Variants in SLC25A53 observed in about 807,000 individuals in gnomAD.
The protein encoded by SLC25A53 is solute carrier family 25 member 53.
SLC25A53 carries 5 observed loss-of-function variants against 15.0 expected under a neutral mutation model. The ratio of observed to expected loss-of-function variants is 0.33; its 90% CI spans 0.17 to 0.70. SLC25A53 has a LOEUF of 0.70. Ranked by LOEUF, SLC25A53 falls within the 30% of genes least tolerant of loss-of-function variation. The pLI, the probability that SLC25A53 is intolerant of heterozygous loss-of-function variation, is 0.67. For missense variants in SLC25A53, 216 were observed against 241.6 expected, an observed-to-expected ratio of 0.89 and a Z score of 0.70; for synonymous variants, 95 against 100.0, an observed-to-expected ratio of 0.95 and a Z score of 0.30.
Position 104,115,039 on chromosome X carries a change from A to G in SLC25A53, c.-31-9751T>C, listed in dbSNP as rs1254197334. 4.2e-6 allele frequency: 5 copies of G among 1,195,590 alleles called. No individual in the cohort carries two copies. In the Admixed American group the frequency reaches 6.9e-5, roughly 16 times the overall value. ...CAGACCTCTGGATCAAGTGCTGGTT[A>G]TTGATTCCCCCAACAATTCTGGGGC... On this transcript the variant is annotated intron_variant, in intron 1 of 1. Transcript: ENST00000594199.
At chrX:104,109,294 T>C (rs1434694408) in intron 1 of SLC25A53, among the ~76,000 whole-genome samples, 1 of 111,762 alleles carries the variant, frequency 8.9e-6, no homozygotes, top group Admixed American at 9.5e-5. Context: ...GGCACAGAGA[T>C]GGGCTCTGGA....
rs2075293729 is a variant in SLC25A53, at chrX:104,104,137, C to T, written c.*197G>A. 4 of 418,618 alleles carry T rather than the reference C, an allele frequency of 9.6e-6. No homozygotes were observed. Among genetic ancestry groups the T allele is most frequent in the African/African-American group, 7.5e-5 (3 of 40,149 alleles). 34.5% of individuals were successfully genotyped at this position (418,618 alleles called of 1,213,427 possible). A position where few individuals can be genotyped will look rare whatever the true frequency, so the allele number is the denominator to read the frequency against. ...GAAACTGTGGAGAGACTGGGGTGAA[C>T]GTTTCTTTTTGACTAAGGAATACTT... On this transcript the variant is annotated 3_prime_UTR_variant, in exon 2 of 2. Coordinates refer to ENST00000594199, the MANE Select transcript of SLC25A53 (RefSeq NM_001012755.5).
At chrX:104,147,966 A>C (rs1556369457) in intron 1 of SLC25A53, among the ~76,000 whole-genome samples, 1 of 112,049 alleles carries the variant, frequency 8.9e-6, no homozygotes, top group Non-Finnish European at 1.9e-5. Context: ...CACCCAAAGG[A>C]CTATAAATCA....
At chrX:104,141,594 G>A (rs782688355) in intron 1 of SLC25A53, among the ~76,000 whole-genome samples, 12 of 111,179 alleles carry the variant, frequency 1.1e-4, no homozygotes, top group Non-Finnish European at 1.3e-4. Context: ...ACAGTACAAG[G>A]ACTTCTACTA....
At chrX:104,153,253 T>C (rs1556370754) in intron 1 of SLC25A53, among the ~76,000 whole-genome samples, 1 of 52,326 alleles carries the variant, frequency 1.9e-5, no homozygotes, top group African/African-American at 7.9e-5. Flanking sequence ...TGTGTATATA[T>C]ATATATATAT....
At chrX:104,121,738 T>C (rs782088706) in intron 1 of SLC25A53, among the ~76,000 whole-genome samples, 12 of 107,142 alleles carry the variant, frequency 1.1e-4, no homozygotes, top group South Asian at 4.1e-4. Flanking sequence ...CATGAAATTA[T>C]AGAAAATGAA....
In SLC25A53 at chrX:104,118,504, C is replaced by G. The variant is rs1302072643; in HGVS notation, c.-31-13216G>C. Among the ~76,000 whole-genome samples the G allele has an allele frequency of 2.7e-5, 3 of 113,128 alleles. No homozygotes were observed. In the East Asian group the frequency reaches 8.3e-4, roughly 31 times the overall value. The stretch of plus-strand genomic sequence containing the variant: ...TATTCCAAGCTTATTACATGCCAGG[C>G]ACCCAGTGCCAAGCCTTTAAAATGC... On this transcript the variant is annotated intron_variant, in intron 1 of 1. Coordinates refer to ENST00000594199, the MANE Select transcript of SLC25A53 (RefSeq NM_001012755.5).
chrX:104,102,179 T>C lies in SLC25A53; in HGVS notation c.*2155A>G, dbSNP rs2075284063. 1 of 112,224 alleles carries C rather than the reference T, an allele frequency of 8.9e-6. No individual in the cohort carries two copies. Among genetic ancestry groups the C allele is most frequent in the Non-Finnish European group, 1.9e-5 (1 of 53,283 alleles). The allele number at this position is 112,224 out of a possible 1,213,427, so 9.2% of individuals were successfully genotyped here. ...CCAACAACCATGTCTTTAATTTCTG[T>C]GGCATTCAGTGAGAAGTTCTCACTG... On this transcript the variant is annotated 3_prime_UTR_variant, in exon 2 of 2. Transcript: ENST00000594199.
chrX:104,121,449 G>A (rs782249661), intron 1 of SLC25A53, among the ~76,000 whole-genome samples: 2 of 110,854 alleles, frequency 1.8e-5, no homozygotes, highest in Non-Finnish European at 3.8e-5. Context: ...TAGAGGTGAC[G>A]TTACTGGAAC....
rs1293092183 is a variant in SLC25A53 at position 104,121,876 on chromosome X, TATA to T, written c.-31-16591_-31-16589del. On this transcript the variant is annotated intron_variant, in intron 1 of 1. Coordinates refer to ENST00000594199, the MANE Select transcript of SLC25A53 (RefSeq NM_001012755.5). Reference sequence around the variant, plus strand: ...CTAGACATCACATCAAATGGTATGATATATATATATATATATATATATATATAT... The same window carrying T: ...CTAGACATCACATCAAATGGTATGATTATATATATATATATATATATATAT... Among the ~76,000 whole-genome samples the T allele has an allele frequency of 2.8e-3, 140 of 49,758 alleles. 44 individuals are homozygous for T. The highest frequency in any genetic ancestry group is 4.0e-3 in the African/African-American group (45 of 11,306). The allele number at this position is 49,758 out of a possible 115,157, so 43.2% of individuals were successfully genotyped here.
intron 1 of SLC25A53, chrX:104,113,772 G>C (rs1556360079): frequency 1.8e-5 from 4 of 223,651 alleles, no homozygotes; most frequent in African/African-American, 1.2e-4. Context: ...CTGGAGTACA[G>C]GCAGGAGGGG....
intron 1 of SLC25A53, among the ~76,000 whole-genome samples, chrX:104,118,706 T>C (rs1226399150): frequency 1.8e-5 from 2 of 112,650 alleles, no homozygotes; most frequent in African/African-American, 3.2e-5. Context: ...GATAAGACAC[T>C]GGACTGACTG....
chrX:104,104,290 G>C lies in SLC25A53; in HGVS notation c.*44C>G, dbSNP rs781834165. On this transcript the variant is annotated 3_prime_UTR_variant, in exon 2 of 2. Transcript: ENST00000594199. ...AAGTAAGCTATATAGAACCAACCAG[G>C]GAAGATTTAGAATAACAAAGCTGCC... 29 of 1,159,767 alleles carry C rather than the reference G, an allele frequency of 2.5e-5. No individual in the cohort carries two copies. Among genetic ancestry groups the C allele is most frequent in the Non-Finnish European group, 3.3e-5 (28 of 857,571 alleles).
At chrX:104,132,450 C>G (rs1456476201) in intron 1 of SLC25A53, among the ~76,000 whole-genome samples, 1 of 112,169 alleles carries the variant, frequency 8.9e-6, no homozygotes, top group Non-Finnish European at 1.9e-5. Context: ...CAAGCCTCAT[C>G]ATCTGGATCT....
chrX:104,145,633 A>C lies in SLC25A53; in HGVS notation c.-32+11245T>G, dbSNP rs782723731. On this transcript the variant is annotated intron_variant, in intron 1 of 1. Transcript: ENST00000594199. Reference sequence around the variant, plus strand: ...AAAAAATGATAAAGGGGATATCACCACCGATCCCACAGAACTACAAACTAC... The same window carrying C: ...AAAAAATGATAAAGGGGATATCACCCCCGATCCCACAGAACTACAAACTAC... Among the ~76,000 whole-genome samples, 661 of 112,279 alleles carry C rather than the reference A, an allele frequency of 5.9e-3. 10 individuals are homozygous for C. The highest frequency in any genetic ancestry group is 0.02 in the African/African-American group (606 of 30,934).
chrX:104,150,392 G>GA (rs1212760418), intron 1 of SLC25A53, among the ~76,000 whole-genome samples: 7 of 111,292 alleles, frequency 6.3e-5, no homozygotes, highest in African/African-American at 2.0e-4. Flanking sequence ...CACTCTGGAG[G>GA]AAAAAAAGCA....
intron 1 of SLC25A53, among the ~76,000 whole-genome samples, chrX:104,156,084 A>AG (rs2075500258): frequency 1.9e-5 from 2 of 107,347 alleles, no homozygotes; most frequent in African/African-American, 6.8e-5. Flanking sequence ...GAAAGAAAGA[A>AG]AAAAAAAAAG....
intron 1 of SLC25A53, among the ~76,000 whole-genome samples, chrX:104,128,431 T>C (rs2075416985): frequency 8.9e-6 from 1 of 111,914 alleles, no homozygotes; most frequent in African/African-American, 3.2e-5. Context: ...AACAAAGAAT[T>C]TAGGAATGTT....
In SLC25A53 at chrX:104,104,756, C is replaced by T; in HGVS notation, c.502G>A (p.Gly168Arg). 8.3e-7 allele frequency: 1 copy of T among 1,211,603 alleles called. No homozygotes were observed. Among genetic ancestry groups the T allele is most frequent in the Non-Finnish European group, 1.1e-6 (1 of 895,520 alleles). Residue 168 changes from glycine (G) to arginine (R), a missense_variant, in exon 2 of 2, where the codon GGG becomes AGG. By Grantham distance (125) the Gly-to-Arg change is moderately radical. Coordinates refer to ENST00000594199, the MANE Select transcript of SLC25A53 (RefSeq NM_001012755.5). ...LKEFNSYGLW[G>R]RLSLGYYRGF... Reference sequence around the variant, plus strand: ...CGATAGTAGCCCAGTGACAGCCGCCCCCAAAGCCCATAAGAATTGAATTCC... The same window carrying T: ...CGATAGTAGCCCAGTGACAGCCGCCTCCAAAGCCCATAAGAATTGAATTCC...
Sources: allele counts gnomAD v4.1 joint callset (sites outside exome capture counted in the v4.1 genomes callset), GRCh38; gene constraint gnomAD v4.1.1; transcripts MANE v1.5; gene names NCBI Gene and HGNC (gene_info 2026-07-23, HGNC 2026-07-21).